BLVRB: variants seen among roughly 807,000 people sequenced by gnomAD.
BLVRB encodes the protein biliverdin reductase B.
Under a neutral mutation model 21.1 loss-of-function variants are expected in BLVRB, and 25 were observed. That is an observed-to-expected ratio of 1.19 (90% CI 0.86 to 1.66). BLVRB has a LOEUF of 1.66. Among genes scored for constraint, BLVRB ranks in the 40% most tolerant of loss-of-function variants. The probability of loss-of-function intolerance (pLI) is 0.00; values close to 1 mark genes in which losing one functional copy is unlikely to be tolerated. For synonymous variants in BLVRB, 128 were observed against 122.2 expected (o/e 1.05, Z -0.31); for missense variants, 274 against 282.7 (o/e 0.97, Z 0.22).
At chr19:40,455,861 C>T (rs1417653090) in intron 3 of BLVRB, among the ~76,000 whole-genome samples, 1 of 152,080 alleles carries the variant, frequency 6.6e-6, no homozygotes, top group Non-Finnish European at 1.5e-5. Context: ...GGTGTAATCC[C>T]AGCACTTTGG....
intron 4 of BLVRB, chr19:40,450,230 G>T (rs1329063387): frequency 5.2e-5 from 7 of 133,954 alleles, no homozygotes; most frequent in African/African-American, 2.0e-4. Flanking sequence ...AAAAAGCCAG[G>T]CGCAGTGGCT....
At chr19:40,461,907 G>A (rs546953822) in intron 1 of BLVRB, among the ~76,000 whole-genome samples, 1 of 152,190 alleles carries the variant, frequency 6.6e-6, no homozygotes, top group Admixed American at 6.6e-5. Context: ...CTCTTTACCC[G>A]GTCCCCCCAG....
chr19:40,465,706 G>A lies in BLVRB; in HGVS notation c.-18C>T, dbSNP rs779601236. The A allele has an allele frequency of 1.6e-5, 25 of 1,611,690 alleles. No homozygotes were observed. The Middle Eastern group carries it at 4.9e-4, about 32-fold the overall frequency. ...ACGGCCATCGTACGGGATCGTGGGG[G>A]TGCAAGGCCTCAGAGTCTCGGCACG... On this transcript the variant is annotated 5_prime_UTR_variant, in exon 1 of 5. Transcript: ENST00000263368.
At chr19:40,458,689 T>C in intron 1 of BLVRB, 144 bp from the exon 2 acceptor site, 1 of 1,156,394 alleles carries the variant, frequency 8.6e-7, no homozygotes. Flanking sequence ...TTTTGGTTTT[T>C]TCTTTTTGTT....
chr19:40,459,327 CAAAAAAAAAAAAAAAAA>C lies in BLVRB; in HGVS notation c.80-799_80-783del, dbSNP rs751696189. On this transcript the variant is annotated intron_variant, in intron 1 of 4. Coordinates refer to ENST00000263368, the MANE Select transcript of BLVRB (RefSeq NM_000713.3). ...TGGATGACAAAGCGAGACTCTATCT[CAAAAAAAAAAAAAAAAA>C]AAAAAAAAAAAAAAAAAAAGACCAT... Among the ~76,000 whole-genome samples, 182 of 34,422 alleles carry C rather than the reference CAAAAAAAAAAAAAAAAA, an allele frequency of 5.3e-3. 1 individual carries two copies. Among genetic ancestry groups the C allele is most frequent in the African/African-American group, 0.018 (163 of 9,306 alleles). The allele number at this position is 34,422 out of a possible 152,430, so 22.6% of individuals were successfully genotyped here.
intron 4 of BLVRB, among the ~76,000 whole-genome samples, chr19:40,448,518 G>A (rs1370059813): frequency 1.3e-5 from 2 of 151,250 alleles, no homozygotes; most frequent in East Asian, 1.9e-4. Context: ...TTGAGCCAGG[G>A]AAGTTGAAGC....
rs746270927 is a variant in BLVRB at position 40,458,376 on chromosome 19, A to C, written c.244+5T>G. ...AGGGCCGTGGGCAGAGGGGGGGCTCAGTACTGAGGTCATTGCGGGTGCCCA... is the reference window on the plus strand; with the variant it reads ...AGGGCCGTGGGCAGAGGGGGGGCTCCGTACTGAGGTCATTGCGGGTGCCCA... On this transcript the variant is annotated splice_donor_5th_base_variant and intron_variant, in intron 2 of 4. Coordinates refer to ENST00000263368, the MANE Select transcript of BLVRB (RefSeq NM_000713.3). The C allele has an allele frequency of 6.3e-6, 10 of 1,576,036 alleles. No individual in the cohort carries two copies. In the South Asian group the frequency reaches 8.1e-5, roughly 13 times the overall value.
chr19:40,452,364 G>A (rs1378436372), intron 3 of BLVRB, among the ~76,000 whole-genome samples: 1 of 152,166 alleles, frequency 6.6e-6, no homozygotes. Context: ...CCAGGCTGGA[G>A]GACAGTGGCG....
chr19:40,465,683 G>T lies in BLVRB; in HGVS notation c.6C>A (p.Ala2=), dbSNP rs778156554. The T allele has an allele frequency of 1.9e-6, 3 of 1,612,788 alleles. No individual in the cohort carries two copies. In the Admixed American group the frequency reaches 5.0e-5, roughly 27 times the overall value. ...CGCCGAAGATCGCGATCTTCTTGAC[G>T]GCCATCGTACGGGATCGTGGGGGTG... The part of the protein sequence containing the change: M[A]VKKIAIFGAT... The change falls in exon 1 of 5, where the codon GCC becomes GCA. Residue 2 remains alanine (A), a synonymous_variant. Transcript: ENST00000263368.
chr19:40,459,511 A>T (rs1383851013), intron 1 of BLVRB, among the ~76,000 whole-genome samples: 1 of 150,826 alleles, frequency 6.6e-6, no homozygotes, highest in Non-Finnish European at 1.5e-5. Flanking sequence ...GCAGTGGCAC[A>T]ATCTCGGCTC....
chr19:40,453,202 C>A (rs2079748559), intron 3 of BLVRB, among the ~76,000 whole-genome samples: 2 of 152,158 alleles, frequency 1.3e-5, no homozygotes, highest in South Asian at 4.1e-4. Context: ...TGACCCAGGA[C>A]CCTTTGCCAT....
At chr19:40,455,288 A>T (rs2079757773) in intron 3 of BLVRB, among the ~76,000 whole-genome samples, 1 of 152,232 alleles carries the variant, frequency 6.6e-6, no homozygotes, top group Non-Finnish European at 1.5e-5. Flanking sequence ...TGGAGGGAAG[A>T]TTAAACTCTA....
chr19:40,447,930 A>G lies in BLVRB; in HGVS notation c.580T>C (p.Tyr194His). ...GAGGGGTAGGTGCTGTGTCCGTCGT[A>G]CTCATCGGTGGTGAGGCAGCGCAGC... ...FMLRCLTTDE[Y>H]DGHSTYPSHQ... Residue 194 changes from tyrosine (Y) to histidine (H), a missense_variant, in exon 5 of 5, where the codon TAC becomes CAC. Transcript: ENST00000263368. 6.2e-7 allele frequency: 1 copy of G among 1,613,794 alleles called. No individual in the cohort carries two copies. Among genetic ancestry groups the G allele is most frequent in the South Asian group, 1.1e-5 (1 of 91,052 alleles).
At chr19:40,457,943 A>G in intron 3 of BLVRB, 1 of 556,526 alleles carries the variant, frequency 1.8e-6, no homozygotes, top group Non-Finnish European at 3.3e-6. Context: ...TCTGTTTACC[A>G]CCTCTCTCTG....
intron 3 of BLVRB, among the ~76,000 whole-genome samples, chr19:40,453,118 C>G (rs1253630212): frequency 6.6e-6 from 1 of 152,028 alleles, no homozygotes; most frequent in East Asian, 1.9e-4. Context: ...ACCAAGTTGC[C>G]CAGGCTAGTT....
chr19:40,457,565 G>C (rs1228822348), intron 3 of BLVRB: 1 of 151,302 alleles, frequency 6.6e-6, no homozygotes, highest in African/African-American at 2.4e-5. Context: ...CCACCTCCGG[G>C]AGGCGGAGGT....
intron 3 of BLVRB, among the ~76,000 whole-genome samples, chr19:40,455,621 C>T (rs1431970814): frequency 6.6e-6 from 1 of 152,158 alleles, no homozygotes; most frequent in African/African-American, 2.4e-5. Flanking sequence ...TCCCTTGAAC[C>T]CAGGAGGTGG....
At chr19:40,459,049 G>A (rs1271509074) in intron 1 of BLVRB, among the ~76,000 whole-genome samples, 1 of 151,498 alleles carries the variant, frequency 6.6e-6, no homozygotes, top group African/African-American at 2.4e-5. Context: ...CCATACCTTG[G>A]CCAGGCATGG....
chr19:40,454,542 A>G (rs1256465223), intron 3 of BLVRB, among the ~76,000 whole-genome samples: 1 of 96,132 alleles, frequency 1.0e-5, no homozygotes, highest in African/African-American at 6.2e-5. Context: ...ACTTACCCCT[A>G]GTTTCTTTTT....
Sources: allele counts gnomAD v4.1 joint callset (sites outside exome capture counted in the v4.1 genomes callset), GRCh38; gene constraint gnomAD v4.1.1; transcripts MANE v1.5; gene names NCBI Gene and HGNC (gene_info 2026-07-23, HGNC 2026-07-21).